Variants in IGF1 observed in about 807,000 individuals in gnomAD.
IGF1 encodes the protein insulin like growth factor 1, also known as insulin-like growth factor 1.
A neutral mutation model predicts 13.8 loss-of-function variants in IGF1; 4 were observed. The observed-to-expected ratio is 0.29, with a 90% confidence interval of 0.14 to 0.66. IGF1 has a LOEUF of 0.66. Ranked by LOEUF, IGF1 falls within the 30% of genes least tolerant of loss-of-function variation. The pLI is 0.78. For synonymous variants in IGF1, 76 were observed against 72.6 expected, an observed-to-expected ratio of 1.05 and a Z score of -0.23; for missense variants, 124 against 188.5, an observed-to-expected ratio of 0.66 and a Z score of 2.00.
chr12:102,423,874 G>T (rs1555240846), intron 2 of IGF1, among the ~76,000 whole-genome samples: 1 of 152,144 alleles, frequency 6.6e-6, no homozygotes, highest in Non-Finnish European at 1.5e-5. Flanking sequence ...ATCACTTCTA[G>T]AACAAAGGAC....
chr12:102,412,667 T>C (rs1232296842), intron 3 of IGF1, among the ~76,000 whole-genome samples: 1 of 152,220 alleles, frequency 6.6e-6, no homozygotes, highest in East Asian at 1.9e-4. Flanking sequence ...TAGCTCCTGT[T>C]ACTCATCTAA....
chr12:102,419,778 A>G, intron 2 of IGF1, 88 bp from the exon 3 acceptor site: 1 of 1,276,830 alleles, frequency 7.8e-7, no homozygotes, highest in Non-Finnish European at 1.1e-6. Context: ...CCCCACAGCT[A>G]GTCAACCTAC....
At chr12:102,445,591 C>T (rs1157292591) in intron 2 of IGF1, among the ~76,000 whole-genome samples, 5 of 152,182 alleles carry the variant, frequency 3.3e-5, no homozygotes, top group African/African-American at 1.2e-4. Flanking sequence ...GATTTTGCAT[C>T]CTGAGACTTT....
intron 2 of IGF1, among the ~76,000 whole-genome samples, chr12:102,440,205 G>T (rs916898557): frequency 6.6e-6 from 1 of 152,124 alleles, no homozygotes; most frequent in African/African-American, 2.4e-5. Flanking sequence ...GAGCTCAATT[G>T]TTCTCTTCTG....
At chr12:102,468,371 A>G (rs1220459004) in intron 2 of IGF1, among the ~76,000 whole-genome samples, 1 of 152,252 alleles carries the variant, frequency 6.6e-6, no homozygotes. Context: ...AATATGCCAG[A>G]TGTAAAGTAA....
Position 102,402,434 on chromosome 12 carries a change from T to C in IGF1, c.*73A>G, listed in dbSNP as rs1380527781. ...TTATTTTTTGGTAGGTGTTCCAAAG[T>C]TTAACAGGTAACTCGTGCAGAGCAA... is the stretch of plus-strand genomic sequence containing the variant. On this transcript the variant is annotated 3_prime_UTR_variant, in exon 4 of 4. Transcript: ENST00000337514. 5.5e-5 allele frequency: 43 copies of C among 779,638 alleles called. No individual in the cohort carries two copies. Among genetic ancestry groups the C allele is most frequent in the Non-Finnish European group, 9.1e-5 (38 of 417,334 alleles). 48.3% of individuals were successfully genotyped at this position (779,638 alleles called of 1,614,324 possible).
intron 2 of IGF1, among the ~76,000 whole-genome samples, chr12:102,441,953 T>TTCTTCTTCTTCTTCTC (rs1555244154): frequency 1.4e-5 from 2 of 140,322 alleles, no homozygotes; most frequent in Admixed American, 8.1e-5. Flanking sequence ...CTTCTTCTTC[T>TTCTTCTTCTTCTTCTC]TCTTTTTTTT....
intron 2 of IGF1, among the ~76,000 whole-genome samples, chr12:102,444,811 C>T (rs527851357): frequency 1.2e-4 from 18 of 152,082 alleles, no homozygotes; most frequent in African/African-American, 1.7e-4. Context: ...TAAGGAGATG[C>T]GTTAACTCAT....
rs1158140039 is a variant in IGF1, at chr12:102,401,656, T to C, written c.*851A>G. 2 of 152,616 alleles carry C rather than the reference T, an allele frequency of 1.3e-5. No individual in the cohort carries two copies. Among genetic ancestry groups the C allele is most frequent in the African/African-American group, 4.8e-5 (2 of 41,448 alleles). The allele number at this position is 152,616 out of a possible 1,614,324, so 9.5% of individuals were successfully genotyped here. A position where few individuals can be genotyped will look rare whatever the true frequency, so the allele number is the denominator to read the frequency against. Reference sequence around the variant, plus strand: ...ATACTGTTTGATATATCCTGTATAATTGATATGCTAAATTTACATAGTGCT... The same window carrying C: ...ATACTGTTTGATATATCCTGTATAACTGATATGCTAAATTTACATAGTGCT... On this transcript the variant is annotated 3_prime_UTR_variant, in exon 4 of 4. Coordinates refer to ENST00000337514, the MANE Select transcript of IGF1 (RefSeq NM_000618.5).
intron 2 of IGF1, among the ~76,000 whole-genome samples, chr12:102,436,817 A>C (rs753477760): frequency 1.3e-5 from 2 of 152,250 alleles, no homozygotes; most frequent in African/African-American, 2.4e-5. Context: ...GATTCCATAC[A>C]TAAGTGGCAG....
At chr12:102,422,408 C>A (rs981330142) in intron 2 of IGF1, among the ~76,000 whole-genome samples, 1 of 152,088 alleles carries the variant, frequency 6.6e-6, no homozygotes, top group Non-Finnish European at 1.5e-5. Flanking sequence ...AAGTGTTTAC[C>A]TATTGCCTTT....
chr12:102,429,601 C>T (rs887617339), intron 2 of IGF1, among the ~76,000 whole-genome samples: 12 of 152,354 alleles, frequency 7.9e-5, no homozygotes, highest in African/African-American at 2.9e-4. Flanking sequence ...CTGGGACCAA[C>T]ATCATGCCCA....
Position 102,480,390 on chromosome 12 carries a change from A to G in IGF1, c.-9T>C. The G allele has an allele frequency of 6.2e-7, 1 of 1,613,486 alleles. No individual in the cohort carries two copies. The highest frequency in any genetic ancestry group is 8.5e-7 in the Non-Finnish European group (1 of 1,179,584). On this transcript the variant is annotated 5_prime_UTR_variant, in exon 1 of 4. Coordinates refer to ENST00000337514, the MANE Select transcript of IGF1 (RefSeq NM_000618.5). ...CTGCTGATTTTTCCCATTGCTTCTG[A>G]AGTACAAAGTCTGAAAATGAATTGG... is the stretch of plus-strand genomic sequence containing the variant.
At position 102,434,085 on chromosome 12, in the gene IGF1, T is replaced by A. The variant is rs184251916; in HGVS notation, c.221-14395A>T. On this transcript the variant is annotated intron_variant, in intron 2 of 3. Transcript: ENST00000337514. Reference sequence around the variant, plus strand: ...TTCTTTTTTTACTTGAAAAACAAATTTTTTGATTTCACTTGTTTCATCATT... The same window carrying A: ...TTCTTTTTTTACTTGAAAAACAAATATTTTGATTTCACTTGTTTCATCATT... Among the ~76,000 whole-genome samples the A allele has an allele frequency of 1.1e-3, 171 of 152,224 alleles. 1 individual carries two copies. Among genetic ancestry groups the A allele is most frequent in the African/African-American group, 4.0e-3 (166 of 41,556 alleles).
rs958723513 is a variant in IGF1, at chr12:102,396,507, C to T, written c.*6000G>A. On this transcript the variant is annotated 3_prime_UTR_variant, in exon 4 of 4. Transcript: ENST00000337514. Reference sequence around the variant, plus strand: ...CAGATTAAGGGATTAACAGAAGTGACTTTGCTATGAGTTGGTGAGTGGGGT... The same window carrying T: ...CAGATTAAGGGATTAACAGAAGTGATTTTGCTATGAGTTGGTGAGTGGGGT... 1 of 185,644 alleles carries T rather than the reference C, an allele frequency of 5.4e-6. No homozygotes were observed. The highest frequency in any genetic ancestry group is 2.3e-5 in the African/African-American group (1 of 43,016). The allele number at this position is 185,644 out of a possible 1,614,324, so 11.5% of individuals were successfully genotyped here.
intron 2 of IGF1, among the ~76,000 whole-genome samples, chr12:102,439,161 G>C (rs576983387): frequency 6.6e-6 from 1 of 152,318 alleles, no homozygotes; most frequent in East Asian, 1.9e-4. Context: ...ATCACTGTGT[G>C]TCCAGTGTCT....
rs10778174 is a variant in IGF1 at position 102,445,218 on chromosome 12, A to C, written c.221-25528T>G. 4.1e-4 allele frequency among the ~76,000 whole-genome samples: 63 copies of C among 151,914 alleles called. 2 individuals are homozygous for C. In the South Asian group the frequency reaches 0.013, roughly 32 times the overall value. On this transcript the variant is annotated intron_variant, in intron 2 of 3. Transcript: ENST00000337514. ...TTGCTTAGGATTGTCTTGGCTATCC[A>C]GGCTCTTTTTTGGTTCCATATGAAA... is the stretch of plus-strand genomic sequence containing the variant.
chr12:102,469,345 T>C (rs79231902), intron 2 of IGF1, among the ~76,000 whole-genome samples: 4,943 of 152,214 alleles, frequency 0.032, 103 homozygotes, highest in African/African-American at 0.04. Flanking sequence ...AATGAAGCAC[T>C]TGAGGTTTGC....
intron 2 of IGF1, among the ~76,000 whole-genome samples, chr12:102,458,824 A>C (rs1424185655): frequency 1.3e-5 from 2 of 151,622 alleles, no homozygotes; most frequent in Non-Finnish European, 2.9e-5. Flanking sequence ...CTGGTAGAAG[A>C]TTTTACAGAG....
Sources: gnomAD v4.1 joint callset for allele counts (sites outside exome capture counted in the v4.1 genomes callset) on GRCh38, gnomAD v4.1.1 for gene constraint, MANE v1.5 for transcripts, NCBI Gene and HGNC (gene_info 2026-07-23, HGNC 2026-07-21) for gene names.